NCK2: variants seen among roughly 807,000 people sequenced by gnomAD.
NCK2 encodes NCK adaptor protein 2.
In NCK2, 16 loss-of-function variants were observed where a neutral mutation model predicts 33.9. The observed-to-expected ratio is 0.47, with a 90% CI of 0.32 to 0.72. NCK2 has a LOEUF of 0.72. NCK2 is among the 30% of genes least tolerant of loss of function. NCK2 has a pLI of 0.03. For synonymous variants in NCK2, 273 were observed against 239.9 expected, an observed-to-expected ratio of 1.14 and a Z score of -1.27; for missense variants, 418 against 537.3, an observed-to-expected ratio of 0.78 and a Z score of 2.19.
intron 3 of NCK2, among the ~76,000 whole-genome samples, chr2:105,871,412 G>GGT (rs1678000077): frequency 6.6e-6 from 1 of 152,118 alleles, no homozygotes; most frequent in African/African-American, 2.4e-5. Flanking sequence ...GAAGGCCAGT[G>GGT]GTGTTTCCTC....
At chr2:105,848,923 C>T (rs1310652848) in intron 2 of NCK2, among the ~76,000 whole-genome samples, 1 of 152,128 alleles carries the variant, frequency 6.6e-6, no homozygotes, top group African/African-American at 2.4e-5. Flanking sequence ...CATATAGACT[C>T]AATTTTTTTT....
intron 1 of NCK2, among the ~76,000 whole-genome samples, chr2:105,806,238 C>CTT (rs56141591): frequency 0.058 from 7,802 of 135,584 alleles, 518 homozygotes; most frequent in East Asian, 0.18. Context: ...CATTTTCTTT[C>CTT]TTTTTTTTTT....
intron 1 of NCK2, among the ~76,000 whole-genome samples, chr2:105,810,883 G>T (rs139820978): frequency 1.4e-4 from 21 of 152,178 alleles, no homozygotes; most frequent in African/African-American, 4.8e-4. Flanking sequence ...ATTAATATTT[G>T]CCCGGCTATG....
intron 1 of NCK2, among the ~76,000 whole-genome samples, chr2:105,807,661 A>G (rs906944088): frequency 6.6e-6 from 1 of 150,954 alleles, no homozygotes; most frequent in African/African-American, 2.4e-5. Context: ...CCCACAAGGT[A>G]GTTGTTTTTT....
At chr2:105,887,156 A>G (rs1029553692) in intron 4 of NCK2, among the ~76,000 whole-genome samples, 15 of 152,344 alleles carry the variant, frequency 9.8e-5, no homozygotes, top group African/African-American at 3.6e-4. Flanking sequence ...TTAGACAACT[A>G]GGGCAGGTGA....
chr2:105,832,080 T>A (rs1676210775), intron 2 of NCK2, among the ~76,000 whole-genome samples: 1 of 152,186 alleles, frequency 6.6e-6, no homozygotes, highest in Non-Finnish European at 1.5e-5. Context: ...ATCTTTCACT[T>A]TCTTGGTTAA....
At chr2:105,775,868 T>G (rs1690281934) in intron 1 of NCK2, among the ~76,000 whole-genome samples, 3 of 152,120 alleles carry the variant, frequency 2.0e-5, no homozygotes, top group Admixed American at 2.0e-4. Flanking sequence ...AATGAGAAAC[T>G]TGGAATAGCT....
At chr2:105,886,241 A>G (rs934671578) in intron 4 of NCK2, among the ~76,000 whole-genome samples, 3 of 152,180 alleles carry the variant, frequency 2.0e-5, no homozygotes, top group Admixed American at 6.5e-5. Context: ...AGCATATTTA[A>G]CTCTTGAAGA....
intron 1 of NCK2, among the ~76,000 whole-genome samples, chr2:105,785,347 TC>T (rs1369153333): frequency 6.6e-6 from 1 of 152,100 alleles, no homozygotes; most frequent in Non-Finnish European, 1.5e-5. Context: ...AGAGGACGGT[TC>T]CCCCGTCCTG....
chr2:105,853,639 A>G (rs1229594515), intron 2 of NCK2, among the ~76,000 whole-genome samples: 1 of 152,178 alleles, frequency 6.6e-6, no homozygotes, highest in Non-Finnish European at 1.5e-5. Flanking sequence ...AAACTTATTC[A>G]TGACATTTGT....
At chr2:105,753,342 C>T (rs575723842) in intron 1 of NCK2, among the ~76,000 whole-genome samples, 1 of 152,288 alleles carries the variant, frequency 6.6e-6, no homozygotes, top group South Asian at 2.1e-4. Flanking sequence ...GGCCTGGCTG[C>T]TCCTCTCCCC....
intron 1 of NCK2, among the ~76,000 whole-genome samples, chr2:105,763,940 A>G (rs1689848697): frequency 6.6e-6 from 1 of 152,226 alleles, no homozygotes; most frequent in South Asian, 2.1e-4. Context: ...TTCTTAAAGT[A>G]TTCATGTGTC....
At chr2:105,892,907 A>G (rs1342197660) in intron 4 of NCK2, 75 bp from the exon 5 acceptor site, 8 of 1,279,218 alleles carry the variant, frequency 6.3e-6, no homozygotes, top group South Asian at 2.9e-5. Flanking sequence ...ATTTAGACGC[A>G]CAAGAGATGT....
At chr2:105,835,377 A>ACG (rs1676352216) in intron 2 of NCK2, among the ~76,000 whole-genome samples, 1 of 76,404 alleles carries the variant, frequency 1.3e-5, no homozygotes, top group East Asian at 4.2e-4. Context: ...ATATATATAC[A>ACG]TATATATACA....
intron 1 of NCK2, among the ~76,000 whole-genome samples, chr2:105,759,406 C>T (rs190148715): frequency 8.2e-4 from 125 of 152,192 alleles, no homozygotes; most frequent in Non-Finnish European, 1.6e-3. Flanking sequence ...TTTAACGTTT[C>T]CAAAGTGTAA....
chr2:105,840,676 C>T (rs1676609368), intron 2 of NCK2, among the ~76,000 whole-genome samples: 1 of 152,228 alleles, frequency 6.6e-6, no homozygotes, highest in Admixed American at 6.5e-5. Flanking sequence ...CTGGGGTTCC[C>T]ATGTTGCCTT....
chr2:105,768,710 T>G (rs1203750911), intron 1 of NCK2, among the ~76,000 whole-genome samples: 1 of 152,152 alleles, frequency 6.6e-6, no homozygotes, highest in African/African-American at 2.4e-5. Flanking sequence ...GCAGTTAATG[T>G]TAGTGTATTT....
At chr2:105,880,968 T>TG (rs1678451196) in intron 3 of NCK2, among the ~76,000 whole-genome samples, 1 of 128,222 alleles carries the variant, frequency 7.8e-6, no homozygotes, top group Non-Finnish European at 1.6e-5. Flanking sequence ...TTTTTTTTTT[T>TG]GCAGACACGG....
At chr2:105,836,466 G>A (rs898369768) in intron 2 of NCK2, among the ~76,000 whole-genome samples, 2 of 152,158 alleles carry the variant, frequency 1.3e-5, no homozygotes, top group Non-Finnish European at 2.9e-5. Context: ...CTGAAAACAA[G>A]GACAGTGGGT....
Sources: allele counts gnomAD v4.1 joint callset (sites outside exome capture counted in the v4.1 genomes callset), GRCh38; gene constraint gnomAD v4.1.1; transcripts MANE v1.5; gene names NCBI Gene and HGNC (gene_info 2026-07-23, HGNC 2026-07-21).